CPLX1: variants seen among roughly 807,000 people sequenced by gnomAD.
The protein encoded by CPLX1 is complexin-1.
In CPLX1, 6 loss-of-function variants were observed where a neutral mutation model predicts 15.6. The ratio of observed to expected loss-of-function variants is 0.39; its 90% CI spans 0.21 to 0.76. CPLX1 has a LOEUF of 0.76. CPLX1 is among the 30% of genes least tolerant of loss of function. CPLX1 has a pLI of 0.43. For synonymous variants in CPLX1, 91 were observed against 75.2 expected, an observed-to-expected ratio of 1.21 and a Z score of -1.08; for missense variants, 242 against 188.6, an observed-to-expected ratio of 1.28 and a Z score of -1.66.
intron 2 of CPLX1, among the ~76,000 whole-genome samples, chr4:795,397 C>T (rs1249059839): frequency 1.3e-5 from 2 of 152,210 alleles, no homozygotes; most frequent in Non-Finnish European, 2.9e-5. Context: ...AGCTGCATCC[C>T]GCATCCGCAG....
chr4:786,990 C>A, intron 3 of CPLX1: 1 of 985,422 alleles, frequency 1.0e-6, no homozygotes, highest in Non-Finnish European at 1.2e-6. Flanking sequence ...CCTCTGGCTC[C>A]AAACCCAGCC....
chr4:802,284 TA>T (rs1478028361), intron 2 of CPLX1, among the ~76,000 whole-genome samples: 1 of 152,232 alleles, frequency 6.6e-6, no homozygotes, highest in Non-Finnish European at 1.5e-5. Flanking sequence ...ATGCTGAGTG[TA>T]AAAGGCCAGA....
chr4:789,503 G>A (rs1746103014), intron 3 of CPLX1, among the ~76,000 whole-genome samples: 1 of 152,260 alleles, frequency 6.6e-6, no homozygotes, highest in South Asian at 2.1e-4. Context: ...CGCTGTGGGA[G>A]CTGCGGGGGG....
intron 2 of CPLX1, among the ~76,000 whole-genome samples, chr4:806,139 C>A (rs1746551807): frequency 6.6e-6 from 1 of 152,100 alleles, no homozygotes; most frequent in African/African-American, 2.4e-5. Flanking sequence ...AAGCATATAC[C>A]TGACTTCAAA....
intron 2 of CPLX1, among the ~76,000 whole-genome samples, chr4:801,643 G>C (rs1016053252): frequency 6.6e-6 from 1 of 152,228 alleles, no homozygotes; most frequent in African/African-American, 2.4e-5. Context: ...ACCCCCAACA[G>C]CCTGGGCGTG....
At chr4:806,303 A>T (rs528283424) in intron 2 of CPLX1, among the ~76,000 whole-genome samples, 1 of 152,328 alleles carries the variant, frequency 6.6e-6, no homozygotes, top group African/African-American at 2.4e-5. Context: ...TGAGGAAAGG[A>T]TTCCCTATTT....
At chr4:800,302 C>G (rs997818038) in intron 2 of CPLX1, among the ~76,000 whole-genome samples, 10 of 152,084 alleles carry the variant, frequency 6.6e-5, no homozygotes, top group Non-Finnish European at 1.2e-4. Flanking sequence ...AAAAGGTACA[C>G]CACAGGCTGA....
At chr4:788,654 G>T in intron 3 of CPLX1, 1 of 931,018 alleles carries the variant, frequency 1.1e-6, no homozygotes, top group Non-Finnish European at 1.3e-6. Context: ...CAGCGGGAAG[G>T]GCAGCAGCTC....
intron 2 of CPLX1, among the ~76,000 whole-genome samples, chr4:801,704 A>C (rs968793637): frequency 6.6e-6 from 1 of 152,246 alleles, no homozygotes; most frequent in African/African-American, 2.4e-5. Context: ...ATGTTCGCAC[A>C]GCAACAAAGT....
At chr4:821,319 A>T (rs7377207) in intron 2 of CPLX1, among the ~76,000 whole-genome samples, 110,001 of 151,986 alleles carry the variant, frequency 0.72, 39,981 homozygotes, top group South Asian at 0.85. Flanking sequence ...TCGCTGGGGC[A>T]GTCAGAGGCT....
At chr4:814,443 C>T (rs1335810177) in intron 2 of CPLX1, among the ~76,000 whole-genome samples, 1 of 152,066 alleles carries the variant, frequency 6.6e-6, no homozygotes, top group Non-Finnish European at 1.5e-5. Flanking sequence ...GAACTCCTGA[C>T]CTCAGGTGAT....
At chr4:808,803 C>T (rs1435476453) in intron 2 of CPLX1, among the ~76,000 whole-genome samples, 4 of 152,184 alleles carry the variant, frequency 2.6e-5, no homozygotes, top group African/African-American at 9.7e-5. Context: ...GTCTTTAAAA[C>T]CCGTTGTAAA....
chr4:795,126 G>GCC (rs552156765), intron 2 of CPLX1, among the ~76,000 whole-genome samples: 1 of 152,146 alleles, frequency 6.6e-6, no homozygotes, highest in African/African-American at 2.4e-5. Context: ...TGCCGCCCAC[G>GCC]CCCCCCCGCT....
chr4:818,050 G>C (rs1746794081), intron 2 of CPLX1, among the ~76,000 whole-genome samples: 1 of 152,246 alleles, frequency 6.6e-6, no homozygotes, highest in African/African-American at 2.4e-5. Flanking sequence ...GACCACAGGT[G>C]AATCTGGTGT....
intron 2 of CPLX1, 168 bp from the exon 3 acceptor site, chr4:792,776 C>T: frequency 1.5e-6 from 1 of 674,992 alleles, no homozygotes; most frequent in African/African-American, 1.8e-5. Context: ...TCCATCTGGC[C>T]CTGACCCTCC....
intron 2 of CPLX1, among the ~76,000 whole-genome samples, chr4:808,259 AAAAT>A (rs1182760594): frequency 1.6e-5 from 2 of 123,490 alleles, no homozygotes; most frequent in South Asian, 2.5e-4. Context: ...TAAATAAATA[AAAAT>A]AAATAAAAAT....
chr4:800,657 C>T (rs987891321), intron 2 of CPLX1, among the ~76,000 whole-genome samples: 2 of 142,538 alleles, frequency 1.4e-5, no homozygotes, highest in African/African-American at 2.6e-5. Context: ...GAGGCCAAGG[C>T]GGGCAGATGA....
At chr4:792,352 G>T (rs1746205356) in intron 3 of CPLX1, 81 bp downstream of exon 3, 2 of 1,314,214 alleles carry the variant, frequency 1.5e-6, no homozygotes. Context: ...CTTCCGGGCA[G>T]CCCCTTCCAC....
intron 3 of CPLX1, chr4:787,534 T>A: frequency 1.6e-6 from 1 of 641,056 alleles, no homozygotes; most frequent in Non-Finnish European, 1.9e-6. Flanking sequence ...AGTGTCCTTG[T>A]AAGAGACAGA....
Sources: gnomAD v4.1 joint callset for allele counts (sites outside exome capture counted in the v4.1 genomes callset) on GRCh38, gnomAD v4.1.1 for gene constraint, MANE v1.5 for transcripts, NCBI Gene and HGNC (gene_info 2026-07-23, HGNC 2026-07-21) for gene names.